FASTKD5: variants seen among roughly 807,000 people sequenced by gnomAD.
FASTKD5 encodes the protein FAST kinase domains 5.
FASTKD5 carries 30 observed loss-of-function variants against 44.0 expected under a neutral mutation model. That is an observed-to-expected ratio of 0.68 (90% CI 0.51 to 0.93). FASTKD5 has a LOEUF of 0.93. FASTKD5 is among the 40% of genes least tolerant of loss of function. FASTKD5 has a pLI of 0.00. For synonymous variants in FASTKD5, 335 were observed against 342.2 expected (o/e 0.98, Z 0.23); for missense variants, 868 against 908.2 (o/e 0.96, Z 0.57).
At chr20:3,155,109 G>T (rs530413057) in intron 1 of FASTKD5, among the ~76,000 whole-genome samples, 34 of 151,834 alleles carry the variant, frequency 2.2e-4, no homozygotes, top group African/African-American at 8.0e-4. Context: ...TATAGTGATG[G>T]CCAGGATCAG....
At chr20:3,159,435 A>G (rs370611936) in intron 1 of FASTKD5, among the ~76,000 whole-genome samples, 4 of 152,252 alleles carry the variant, frequency 2.6e-5, no homozygotes, top group Non-Finnish European at 5.9e-5. Flanking sequence ...AAGTGTGATG[A>G]GAGGCGCGGC....
chr20:3,152,903 C>CAA (rs200186346), intron 1 of FASTKD5, among the ~76,000 whole-genome samples: 7 of 117,996 alleles, frequency 5.9e-5, no homozygotes, highest in Non-Finnish European at 1.1e-4. Flanking sequence ...AAGACTGTCT[C>CAA]AAAAAAAAAA....
intron 1 of FASTKD5, among the ~76,000 whole-genome samples, chr20:3,159,514 G>A (rs1201782745): frequency 3.3e-5 from 5 of 152,068 alleles, no homozygotes; most frequent in Admixed American, 2.6e-4. Flanking sequence ...ATTTCACAGA[G>A]GAAAAAAAAT....
At chr20:3,156,393 G>A (rs2066686109) in intron 1 of FASTKD5, among the ~76,000 whole-genome samples, 1 of 151,954 alleles carries the variant, frequency 6.6e-6, no homozygotes, top group East Asian at 1.9e-4. Flanking sequence ...TGGTCAGGCT[G>A]GTCTCAAACT....
intron 1 of FASTKD5, among the ~76,000 whole-genome samples, chr20:3,157,630 C>G (rs1407232602): frequency 6.6e-6 from 1 of 152,136 alleles, no homozygotes; most frequent in African/African-American, 2.4e-5. Context: ...TTTAGAAAAC[C>G]TCTCCATATA....
At chr20:3,154,165 A>G (rs1370241314) in intron 1 of FASTKD5, among the ~76,000 whole-genome samples, 2 of 152,250 alleles carry the variant, frequency 1.3e-5, no homozygotes, top group Non-Finnish European at 2.9e-5. Context: ...GGGAAATCCC[A>G]GGAAAAAGGT....
intron 1 of FASTKD5, among the ~76,000 whole-genome samples, chr20:3,152,859 T>G (rs548639762): frequency 6.6e-6 from 1 of 151,072 alleles, no homozygotes; most frequent in East Asian, 1.9e-4. Flanking sequence ...TGAGCTGAGA[T>G]CATACTACTG....
rs2066672219 is a variant in FASTKD5 at position 3,155,226 on chromosome 20, T to TAAA, written c.-191+4539_-191+4540insTTT. The stretch of plus-strand genomic sequence containing the variant: ...CTGGGTAACATGGTGAAACCCTGTC[T>TAAA]CTACTAAAAATACAAAAAGTAGGCT... On this transcript the variant is annotated intron_variant, in intron 1 of 1. Coordinates refer to ENST00000380266, the MANE Select transcript of FASTKD5 (RefSeq NM_021826.5). 2.0e-5 allele frequency among the ~76,000 whole-genome samples: 3 copies of TAAA among 152,032 alleles called. No individual in the cohort carries two copies. The South Asian group carries it at 6.2e-4, about 32-fold the overall frequency.
chr20:3,148,120 C>T lies in FASTKD5; in HGVS notation c.951G>A (p.Glu317=), dbSNP rs1012258884. The change falls in exon 2 of 2, where the codon GAG becomes GAA. Residue 317 remains glutamate, a synonymous_variant. Transcript: ENST00000380266. ...LKYIDLINLE[E]VGTICLGFFK... ...AGAACCCCAAACAGATGGTACCAAC[C>T]TCCTCCAAATTGATCAAATCTATAT... 3 of 1,613,896 alleles carry T rather than the reference C, an allele frequency of 1.9e-6. No homozygotes were observed. Among genetic ancestry groups the T allele is most frequent in the Admixed American group, 1.7e-5 (1 of 59,984 alleles).
chr20:3,151,294 CAT>C (rs988577343), intron 1 of FASTKD5, among the ~76,000 whole-genome samples: 17 of 152,338 alleles, frequency 1.1e-4, no homozygotes, highest in East Asian at 7.7e-4. Context: ...TAGCTCTTCA[CAT>C]GTTTTTGTAA....
In FASTKD5 at chr20:3,147,124, C is replaced by A; in HGVS notation, c.1947G>T (p.Glu649Asp). 1.2e-6 allele frequency: 2 copies of A among 1,613,838 alleles called. No individual in the cohort carries two copies. Among genetic ancestry groups the A allele is most frequent in the Non-Finnish European group, 1.7e-6 (2 of 1,180,036 alleles). The change falls in exon 2 of 2, where the codon GAG (glutamate) becomes GAT (aspartate). Residue 649 changes from glutamate to aspartate, a missense_variant. Coordinates refer to ENST00000380266, the MANE Select transcript of FASTKD5 (RefSeq NM_021826.5). ...RGHFQGKTES[E>D]PGQQPMELEN... The stretch of plus-strand genomic sequence containing the variant: ...CCAACTCCATGGGCTGCTGCCCAGG[C>A]TCTGACTCAGTTTTGCCCTGGAAAT...
intron 1 of FASTKD5, among the ~76,000 whole-genome samples, chr20:3,159,469 A>G (rs2066723781): frequency 6.6e-6 from 1 of 152,236 alleles, no homozygotes; most frequent in African/African-American, 2.4e-5. Flanking sequence ...ACATTCTCTT[A>G]ACAGCACCGT....
intron 1 of FASTKD5, among the ~76,000 whole-genome samples, chr20:3,154,082 C>T (rs2066660273): frequency 6.6e-6 from 1 of 152,142 alleles, no homozygotes. Flanking sequence ...GGAGAGCTAC[C>T]ACAATTGAAG....
intron 1 of FASTKD5, among the ~76,000 whole-genome samples, chr20:3,153,722 G>A (rs1278709123): frequency 6.6e-6 from 1 of 152,182 alleles, no homozygotes; most frequent in Non-Finnish European, 1.5e-5. Context: ...AACAGTCTAC[G>A]ATTCTATCAC....
chr20:3,150,209 TG>T (rs2066610661), intron 1 of FASTKD5, among the ~76,000 whole-genome samples: 1 of 152,098 alleles, frequency 6.6e-6, no homozygotes, highest in Non-Finnish European at 1.5e-5. Flanking sequence ...CACAGAGTAA[TG>T]GTGTTATTAG....
In FASTKD5 at chr20:3,149,335, G is replaced by A; in HGVS notation, c.-190-75C>T. 1 of 459,836 alleles carries A rather than the reference G, an allele frequency of 2.2e-6. No homozygotes were observed. The highest frequency in any genetic ancestry group is 3.9e-6 in the Non-Finnish European group (1 of 258,076). 28.5% of individuals were successfully genotyped at this position (459,836 alleles called of 1,614,324 possible). On this transcript the variant is annotated intron_variant, in intron 1 of 1. Transcript: ENST00000380266. This position sits in a 1 kb window ranked among gnomAD's most constrained non-coding sequence, Gnocchi z 4.1. ...CCAAATTTACACATTATAAAAAACA[G>A]GTTGAAACTACACTGCTGTCTACTC...
intron 1 of FASTKD5, among the ~76,000 whole-genome samples, chr20:3,158,756 G>C (rs2066716329): frequency 6.6e-6 from 1 of 152,378 alleles, no homozygotes; most frequent in Non-Finnish European, 1.5e-5. Context: ...TTACAGGCGT[G>C]AGCCACTGTG....
At position 3,147,457 on chromosome 20, in the gene FASTKD5, C is replaced by T; in HGVS notation, c.1614G>A (p.Gln538=). ...YRGNRLSTHL[Q]QEGSELLWYL... ...ACCACAGCAATTCAGACCCCTCTTG[C>T]TGAAGGTGAGTACTAAGACGATTGC... is the stretch of plus-strand genomic sequence containing the variant. The change falls in exon 2 of 2, where the codon CAG becomes CAA. Residue 538 remains glutamine, a synonymous_variant. Coordinates refer to ENST00000380266, the MANE Select transcript of FASTKD5 (RefSeq NM_021826.5). 14 of 1,614,186 alleles carry T rather than the reference C, an allele frequency of 8.7e-6. No individual in the cohort carries two copies. Among genetic ancestry groups the T allele is most frequent in the Non-Finnish European group, 1.2e-5 (14 of 1,180,026 alleles).
In FASTKD5 at chr20:3,148,205, C is replaced by T; in HGVS notation, c.866G>A (p.Gly289Asp). 1 of 1,614,000 alleles carries T rather than the reference C, an allele frequency of 6.2e-7. No individual in the cohort carries two copies. The highest frequency in any genetic ancestry group is 8.5e-7 in the Non-Finnish European group (1 of 1,180,034). Residue 289 changes from glycine (G) to aspartate (D), a missense_variant, in exon 2 of 2, where the codon GGT (glycine) becomes GAT (aspartate). Transcript: ENST00000380266. ...SQLVHLIYVI[G>D]ENRQVSQDLM... The stretch of plus-strand genomic sequence containing the variant: ...GTCCTGGGATACCTGACGATTTTCA[C>T]CTATAACATAAATTAAGTGAACTAG...
Sources: allele counts gnomAD v4.1 joint callset (sites outside exome capture counted in the v4.1 genomes callset), GRCh38; gene constraint gnomAD v4.1.1; non-coding constraint Gnocchi (gnomAD v3.1); transcripts MANE v1.5; gene names NCBI Gene and HGNC (gene_info 2026-07-23, HGNC 2026-07-21).